The following GLIPR1L2 variants were observed in gnomAD, a reference collection of about 807,000 sequenced individuals.
GLIPR1L2 encodes GLIPR1-like protein 2.
GLIPR1L2 carries 21 observed loss-of-function variants against 28.4 expected under a neutral mutation model. The observed-to-expected ratio is 0.74, with a 90% CI of 0.52 to 1.06. GLIPR1L2 has a LOEUF of 1.06. Among genes scored for constraint, GLIPR1L2 ranks in the 50% least tolerant of loss-of-function variants. The pLI, the probability that GLIPR1L2 is intolerant of heterozygous loss-of-function variation, is 0.00. For missense variants in GLIPR1L2, 476 were observed against 416.9 expected (o/e 1.14, Z -1.23); for synonymous variants, 145 against 139.3 (o/e 1.04, Z -0.29).
intron 1 of GLIPR1L2, among the ~76,000 whole-genome samples, chr12:75,399,101 G>A (rs545934888): frequency 6.6e-6 from 1 of 152,090 alleles, no homozygotes; most frequent in East Asian, 1.9e-4. Context: ...GGACATTCAG[G>A]TTGTTTTAAA....
intron 2 of GLIPR1L2, among the ~76,000 whole-genome samples, chr12:75,413,377 A>T (rs2045890912): frequency 6.6e-6 from 1 of 151,558 alleles, no homozygotes; most frequent in South Asian, 2.1e-4. Context: ...AAAAAAGAAT[A>T]TGTTATTGGT....
At chr12:75,401,622 G>A (rs925736747) in intron 1 of GLIPR1L2, among the ~76,000 whole-genome samples, 6 of 151,956 alleles carry the variant, frequency 3.9e-5, no homozygotes, top group South Asian at 2.1e-4. Context: ...AAAAACATCT[G>A]TTTTATGCTC....
At chr12:75,429,630 C>T (rs2046069935) in intron 4 of GLIPR1L2, among the ~76,000 whole-genome samples, 1 of 152,124 alleles carries the variant, frequency 6.6e-6, no homozygotes, top group Non-Finnish European at 1.5e-5. Context: ...TATGGTTTGG[C>T]TCTGTGTTCC....
chr12:75,423,510 C>A, intron 4 of GLIPR1L2: 2 of 776,680 alleles, frequency 2.6e-6, no homozygotes, highest in Non-Finnish European at 3.1e-6. Context: ...CTAAAATATA[C>A]AATGCTTAGA....
At chr12:75,430,681 ATG>A in intron 4 of GLIPR1L2, 32 bp from the exon 5 acceptor site, 1 of 1,516,280 alleles carries the variant, frequency 6.6e-7, no homozygotes. Context: ...AAGAAATTTT[ATG>A]TAATTTTTGT....
At chr12:75,396,169 T>C (rs1452697890) in intron 1 of GLIPR1L2, among the ~76,000 whole-genome samples, 1 of 152,156 alleles carries the variant, frequency 6.6e-6, no homozygotes, top group Non-Finnish European at 1.5e-5. Context: ...ATTTCATTTT[T>C]TAAATTATTT....
chr12:75,411,166 C>T (rs958529808), intron 2 of GLIPR1L2, among the ~76,000 whole-genome samples: 3 of 151,800 alleles, frequency 2.0e-5, no homozygotes, highest in Admixed American at 6.6e-5. Context: ...CTTTTCATTT[C>T]AAGTACATAA....
chr12:75,420,830 A>G (rs1025915595), intron 3 of GLIPR1L2, among the ~76,000 whole-genome samples: 2 of 152,242 alleles, frequency 1.3e-5, no homozygotes, highest in Non-Finnish European at 2.9e-5. Context: ...CTGGCTGTCT[A>G]ATAGAAATAA....
intron 4 of GLIPR1L2, chr12:75,423,246 C>T (rs971441036): frequency 4.6e-6 from 6 of 1,294,020 alleles, no homozygotes; most frequent in South Asian, 4.8e-5. Context: ...TGAGAACTAA[C>T]AGTTATACCC....
At chr12:75,408,589 A>T (rs2045827931) in intron 1 of GLIPR1L2, among the ~76,000 whole-genome samples, 1 of 152,104 alleles carries the variant, frequency 6.6e-6, no homozygotes, top group Non-Finnish European at 1.5e-5. Flanking sequence ...TCCATGGGAC[A>T]TTGTTTGCAA....
At position 75,410,947 on chromosome 12, in the gene GLIPR1L2, G is replaced by A. The variant is rs554850196; in HGVS notation, c.480+268G>A. Among the ~76,000 whole-genome samples the A allele has an allele frequency of 1.4e-4, 21 of 151,716 alleles. No homozygotes were observed. In the South Asian group the frequency reaches 3.3e-3, roughly 24 times the overall value. ...CACTTTCCTAAAAATAATGTACACTGGAAAAGGAGGAAAGAAACCAGTAAA... is the reference window on the plus strand; with the variant it reads ...CACTTTCCTAAAAATAATGTACACTAGAAAAGGAGGAAAGAAACCAGTAAA... On this transcript the variant is annotated intron_variant, in intron 2 of 5. Coordinates refer to ENST00000550916, the MANE Select transcript of GLIPR1L2 (RefSeq NM_001270396.2).
chr12:75,428,966 C>A (rs2046063018), intron 4 of GLIPR1L2, among the ~76,000 whole-genome samples: 1 of 152,210 alleles, frequency 6.6e-6, no homozygotes. Context: ...TGTCCAGGCA[C>A]AAGTTTGCTG....
intron 1 of GLIPR1L2, among the ~76,000 whole-genome samples, chr12:75,409,145 G>A (rs1045673058): frequency 2.6e-5 from 4 of 151,738 alleles, no homozygotes; most frequent in Admixed American, 2.0e-4. Flanking sequence ...TTTTTACTAG[G>A]TCATCAGCTA....
Position 75,391,346 on chromosome 12 carries a change from T to G in GLIPR1L2, c.230T>G (p.Phe77Cys). Reference protein sequence around the residue: ...DVIPRGSNLRFMTWDVALSRT... With the variant: ...DVIPRGSNLRCMTWDVALSRT... ...ATTCCCCGAGGGTCTAACTTGCGCT[T>G]CATGGTGAGGCCGGAAGGCGGTTTG... The change falls in exon 1 of 6, where the codon TTC becomes TGC. Residue 77 changes from phenylalanine (F) to cysteine (C), a missense_variant. Coordinates refer to ENST00000550916, the MANE Select transcript of GLIPR1L2 (RefSeq NM_001270396.2). 2 of 1,613,662 alleles carry G rather than the reference T, an allele frequency of 1.2e-6. No individual in the cohort carries two copies. The highest frequency in any genetic ancestry group is 2.2e-5 in the South Asian group (2 of 91,062).
intron 1 of GLIPR1L2, 76 bp from the exon 2 acceptor site, chr12:75,410,355 AATG>A: frequency 7.6e-7 from 1 of 1,315,892 alleles, no homozygotes; most frequent in Middle Eastern, 2.0e-4. Context: ...CTTTAAATCT[AATG>A]ATAACTCAAG....
chr12:75,393,900 C>T (rs2045656635), intron 1 of GLIPR1L2, among the ~76,000 whole-genome samples: 1 of 151,934 alleles, frequency 6.6e-6, no homozygotes, highest in Non-Finnish European at 1.5e-5. Flanking sequence ...CTTGATAACA[C>T]TTGTTATTTT....
intron 4 of GLIPR1L2, among the ~76,000 whole-genome samples, chr12:75,425,096 T>G (rs1276476736): frequency 6.6e-6 from 1 of 152,038 alleles, no homozygotes; most frequent in Non-Finnish European, 1.5e-5. Flanking sequence ...ATGAAGTAAC[T>G]GTCCATACAT....
Position 75,410,436 on chromosome 12 carries a change from T to C in GLIPR1L2, c.237T>C (p.Thr79=), listed in dbSNP as rs2045853510. The C allele has an allele frequency of 6.5e-7, 1 of 1,546,826 alleles. No individual in the cohort carries two copies. Among genetic ancestry groups the C allele is most frequent in the South Asian group, 1.3e-5 (1 of 79,726 alleles). The change falls in exon 2 of 6, where the codon ACT becomes ACC. Residue 79 remains threonine (T), a splice_region_variant and synonymous_variant. Coordinates refer to ENST00000550916, the MANE Select transcript of GLIPR1L2 (RefSeq NM_001270396.2). ...IPRGSNLRFM[T]WDVALSRTAR... ...TTTGCTTTTTGAATATTTTTCAGAC[T>C]TGGGATGTAGCTTTATCACGGACTG...
At chr12:75,425,457 A>G (rs1566078679) in intron 4 of GLIPR1L2, among the ~76,000 whole-genome samples, 1 of 152,182 alleles carries the variant, frequency 6.6e-6, no homozygotes, top group Non-Finnish European at 1.5e-5. Context: ...GGGTGAAGTC[A>G]GGGCCCAAGT....
Sources: allele counts gnomAD v4.1 joint callset (sites outside exome capture counted in the v4.1 genomes callset), GRCh38; gene constraint gnomAD v4.1.1; transcripts MANE v1.5; gene names NCBI Gene and HGNC (gene_info 2026-07-23, HGNC 2026-07-21).